Variants in SFXN1 observed in about 807,000 individuals in gnomAD.
SFXN1 encodes sideroflexin-1.
A neutral mutation model predicts 39.5 loss-of-function variants in SFXN1; 32 were observed. The ratio of observed to expected loss-of-function variants is 0.81; its 90% CI spans 0.61 to 1.09. The LOEUF is 1.09. SFXN1 is among the 50% of genes least tolerant of loss of function. The probability of loss-of-function intolerance (pLI) is 0.00; values close to 1 mark genes in which losing one functional copy is unlikely to be tolerated. For synonymous variants in SFXN1, 136 were observed against 146.5 expected, an observed-to-expected ratio of 0.93 and a Z score of 0.52; for missense variants, 402 against 407.1, an observed-to-expected ratio of 0.99 and a Z score of 0.11.
At chr5:175,504,555 C>T (rs2113315614) in intron 2 of SFXN1, among the ~76,000 whole-genome samples, 1 of 144,712 alleles carries the variant, frequency 6.9e-6, no homozygotes, top group South Asian at 2.2e-4. Context: ...AGCCTGGCAA[C>T]AGAGCAAGAC....
intron 10 of SFXN1, chr5:175,523,447 T>G (rs146099494): frequency 6.6e-6 from 1 of 152,214 alleles, no homozygotes; most frequent in African/African-American, 2.4e-5. Flanking sequence ...TTCTGTAGTA[T>G]GTGGCTTATG....
At chr5:175,504,689 A>C (rs1244159869) in intron 2 of SFXN1, among the ~76,000 whole-genome samples, 1 of 152,170 alleles carries the variant, frequency 6.6e-6, no homozygotes, top group South Asian at 2.1e-4. Context: ...AAAAGCAACA[A>C]GCAATTAGAC....
chr5:175,480,163 T>A (rs949938614), intron 1 of SFXN1, among the ~76,000 whole-genome samples: 291 of 152,086 alleles, frequency 1.9e-3, no homozygotes, highest in African/African-American at 5.4e-3. Context: ...GCACTTTGGG[T>A]GGCCGAGGCG....
Position 175,497,008 on chromosome 5 carries a change from G to C in SFXN1, c.164+4741G>C, listed in dbSNP as rs577183140. ...GGTTCAAGCAATTCTCCCTGCCTCA[G>C]CCTCCCAAGTAGCTGGAATTACAGG... On this transcript the variant is annotated intron_variant, in intron 2 of 10. Transcript: ENST00000321442. Among the ~76,000 whole-genome samples the C allele has an allele frequency of 2.6e-5, 4 of 152,008 alleles. No individual in the cohort carries two copies. In the South Asian group the frequency reaches 8.3e-4, roughly 32 times the overall value.
At chr5:175,509,651 A>G (rs965037214) in intron 3 of SFXN1, among the ~76,000 whole-genome samples, 4 of 152,140 alleles carry the variant, frequency 2.6e-5, no homozygotes, top group African/African-American at 9.7e-5. Flanking sequence ...CTGCAGGCAA[A>G]TTCTCCTTTG....
chr5:175,512,127 T>C lies in SFXN1; in HGVS notation c.527T>C (p.Ile176Thr). The C allele has an allele frequency of 6.8e-6, 11 of 1,614,152 alleles. No individual in the cohort carries two copies. The highest frequency in any genetic ancestry group is 2.7e-5 in the African/African-American group (2 of 75,058). Residue 176 changes from isoleucine (I) to threonine (T), a missense_variant, in exon 6 of 11, where the codon ATA becomes ACA. By Grantham distance (89) the Ile-to-Thr change is moderately conservative. Transcript: ENST00000321442. ...NALTKHVSPL[I>T]GRFVPFAAVA... ...CCTCTGCAGCATGTCTCACCACTGA[T>C]AGGACGTTTTGTTCCCTTTGCTGCC... is the stretch of plus-strand genomic sequence containing the variant.
chr5:175,488,372 G>A (rs1048388221), intron 1 of SFXN1, among the ~76,000 whole-genome samples: 2 of 150,374 alleles, frequency 1.3e-5, no homozygotes, highest in African/African-American at 2.5e-5. Context: ...GCACGATCTC[G>A]GCTCACCGCC....
intron 1 of SFXN1, among the ~76,000 whole-genome samples, chr5:175,489,739 C>T (rs1422297461): frequency 6.6e-6 from 1 of 152,106 alleles, no homozygotes; most frequent in Non-Finnish European, 1.5e-5. Context: ...AAATATTATC[C>T]TCCTTCTAGA....
intron 10 of SFXN1, chr5:175,523,968 AATAAT>A (rs1417022533): frequency 6.6e-6 from 1 of 151,402 alleles, no homozygotes; most frequent in Non-Finnish European, 1.5e-5. Context: ...TACTTATACT[AATAAT>A]ATAATGAATA....
At chr5:175,513,211 A>T (rs1228119983) in intron 6 of SFXN1, among the ~76,000 whole-genome samples, 3 of 149,632 alleles carry the variant, frequency 2.0e-5, no homozygotes, top group African/African-American at 7.4e-5. Context: ...GAGGCAGGAG[A>T]ATCGCTTTGA....
In SFXN1 at chr5:175,510,151, C is replaced by T. The variant is rs376717456; in HGVS notation, c.378C>T (p.Ser126=). 2.5e-6 allele frequency: 4 copies of T among 1,613,312 alleles called. No individual in the cohort carries two copies. The highest frequency in any genetic ancestry group is 2.7e-5 in the African/African-American group (2 of 74,908). The change falls in exon 4 of 11, where the codon TCC becomes TCT. Residue 126 remains serine, a synonymous_variant. Transcript: ENST00000321442. ...TGTTCTGGCAGTGGATTAACCAGTCCTTCAATGCCGTCGTCAATTACACCA... is the reference window on the plus strand; with the variant it reads ...TGTTCTGGCAGTGGATTAACCAGTCTTTCAATGCCGTCGTCAATTACACCA... ...AVLFWQWINQ[S]FNAVVNYTNR...
intron 7 of SFXN1, among the ~76,000 whole-genome samples, chr5:175,514,615 C>A (rs558898708): frequency 4.3e-4 from 66 of 152,322 alleles, no homozygotes; most frequent in South Asian, 1.2e-3. Context: ...GTCAAGTCAT[C>A]CATTGATACT....
At chr5:175,500,376 A>G (rs1165019762) in intron 2 of SFXN1, among the ~76,000 whole-genome samples, 1 of 150,538 alleles carries the variant, frequency 6.6e-6, no homozygotes, top group Non-Finnish European at 1.5e-5. Flanking sequence ...GATCACTTTA[A>G]CAAAATATAT....
chr5:175,491,886 C>G (rs1490690206), intron 1 of SFXN1: 1 of 449,606 alleles, frequency 2.2e-6, no homozygotes. Context: ...ATGTAGGAAA[C>G]TATTGAAATT....
At chr5:175,512,228 T>C in intron 6 of SFXN1, 32 bp downstream of exon 6, 2 of 1,576,582 alleles carry the variant, frequency 1.3e-6, no homozygotes, top group Non-Finnish European at 1.7e-6. Context: ...AGTAGGGACA[T>C]GTGCTTGACA....
intron 2 of SFXN1, among the ~76,000 whole-genome samples, chr5:175,499,270 G>A (rs267360): frequency 0.053 from 7,924 of 150,486 alleles, 687 homozygotes; most frequent in African/African-American, 0.18. Flanking sequence ...AAAAAAAAAA[G>A]GGATATCAAA....
intron 2 of SFXN1, among the ~76,000 whole-genome samples, chr5:175,497,917 C>T (rs1446046688): frequency 2.8e-5 from 3 of 107,854 alleles, no homozygotes; most frequent in African/African-American, 1.1e-4. Context: ...GTGACAAGAG[C>T]AAAACTCCGT....
At chr5:175,517,502 C>T (rs888015217) in intron 8 of SFXN1, among the ~76,000 whole-genome samples, 1 of 152,072 alleles carries the variant, frequency 6.6e-6, no homozygotes, top group Non-Finnish European at 1.5e-5. Flanking sequence ...ACAAGGGAGC[C>T]TGGTTGTAGG....
At chr5:175,520,603 G>T (rs949057180) in intron 8 of SFXN1, among the ~76,000 whole-genome samples, 7 of 152,176 alleles carry the variant, frequency 4.6e-5, no homozygotes, top group African/African-American at 1.2e-4. Context: ...CACCTCCAAG[G>T]TGGCACACAG....
Sources: allele counts gnomAD v4.1 joint callset (sites outside exome capture counted in the v4.1 genomes callset), GRCh38; gene constraint gnomAD v4.1.1; transcripts MANE v1.5; gene names NCBI Gene and HGNC (gene_info 2026-07-23, HGNC 2026-07-21).